FXN: variants seen among roughly 807,000 people sequenced by gnomAD.
The protein encoded by FXN is frataxin, mitochondrial.
A neutral mutation model predicts 22.4 loss-of-function variants in FXN; 14 were observed. The observed-to-expected ratio is 0.62, with a 90% CI of 0.41 to 0.98. The LOEUF is 0.98. Ranked by LOEUF, FXN falls within the 50% of genes least tolerant of loss-of-function variation. The pLI is 0.00. For synonymous variants in FXN, 120 were observed against 114.1 expected, an observed-to-expected ratio of 1.05 and a Z score of -0.33; for missense variants, 267 against 268.4, an observed-to-expected ratio of 0.99 and a Z score of 0.04.
intron 4 of FXN, among the ~76,000 whole-genome samples, chr9:69,066,633 G>T (rs763949306): frequency 6.6e-6 from 1 of 152,116 alleles, no homozygotes; most frequent in Admixed American, 6.5e-5. Context: ...CCGGGGGAAC[G>T]AAGTGGATCA....
Position 69,075,815 on chromosome 9 carries a change from C to T in FXN, c.*3053C>T, listed in dbSNP as rs1160907808. On this transcript the variant is annotated 3_prime_UTR_variant, in exon 5 of 5. Coordinates refer to ENST00000484259, the MANE Select transcript of FXN (RefSeq NM_000144.5). ...GTACAATCAAAGCTCATGGCAGCCT[C>T]GACCTCCCTGGGCTTGGGCAATCCT... 3.9e-5 allele frequency: 28 copies of T among 714,510 alleles called. No individual in the cohort carries two copies. The highest frequency in any genetic ancestry group is 4.8e-5 in the Non-Finnish European group (28 of 583,370). The allele number at this position is 714,510 out of a possible 1,614,324, so 44.3% of individuals were successfully genotyped here. A position where few individuals can be genotyped will look rare whatever the true frequency, so the allele number is the denominator to read the frequency against.
At chr9:69,046,992 G>A (rs1267706949) in intron 2 of FXN, among the ~76,000 whole-genome samples, 1 of 152,198 alleles carries the variant, frequency 6.6e-6, no homozygotes, top group East Asian at 1.9e-4. Context: ...GGCTGGAAGT[G>A]GCATTTGTTC....
chr9:69,073,730 A>AT lies in FXN; in HGVS notation c.*970dup. The stretch of plus-strand genomic sequence containing the variant: ...TAAATGAGAGAATAGAGTATGGTTG[A>AT]TTCCCAGCATTCAGTGGTCCTGTCA... On this transcript the variant is annotated 3_prime_UTR_variant, in exon 5 of 5. Coordinates refer to ENST00000484259, the MANE Select transcript of FXN (RefSeq NM_000144.5). 1.0e-6 allele frequency: 1 copy of AT among 985,430 alleles called. No individual in the cohort carries two copies. Among genetic ancestry groups the AT allele is most frequent in the Non-Finnish European group, 1.2e-6 (1 of 829,938 alleles). 61.0% of individuals were successfully genotyped at this position (985,430 alleles called of 1,614,324 possible).
intron 4 of FXN, among the ~76,000 whole-genome samples, chr9:69,069,668 G>T (rs1832237600): frequency 6.6e-6 from 1 of 152,218 alleles, no homozygotes; most frequent in Non-Finnish European, 1.5e-5. Context: ...TGGAGAGTAG[G>T]CCTCTGTAGG....
Position 69,074,831 on chromosome 9 carries a change from T to G in FXN, c.*2069T>G. 4 of 975,458 alleles carry G rather than the reference T, an allele frequency of 4.1e-6. No individual in the cohort carries two copies. The highest frequency in any genetic ancestry group is 4.9e-6 in the Non-Finnish European group (4 of 820,814). The allele number at this position is 975,458 out of a possible 1,614,324, so 60.4% of individuals were successfully genotyped here. ...CTGAAATAAAATTATTTTTTGAGTC[T>G]GATGGAAATGTTTAAGTGCAGTAGG... is the stretch of plus-strand genomic sequence containing the variant. On this transcript the variant is annotated 3_prime_UTR_variant, in exon 5 of 5. Coordinates refer to ENST00000484259, the MANE Select transcript of FXN (RefSeq NM_000144.5).
intron 2 of FXN, among the ~76,000 whole-genome samples, chr9:69,048,370 C>T (rs1027687632): frequency 1.3e-5 from 2 of 152,024 alleles, no homozygotes; most frequent in Non-Finnish European, 2.9e-5. Context: ...TTTGGGAGGC[C>T]GAGGTGAGCA....
chr9:69,049,503 C>G (rs1300798457), intron 2 of FXN, among the ~76,000 whole-genome samples: 1 of 152,094 alleles, frequency 6.6e-6, no homozygotes, highest in Non-Finnish European at 1.5e-5. Flanking sequence ...TCTAGCAGCC[C>G]CTGGTGTCTT....
chr9:69,053,282 T>C, intron 3 of FXN, 22 bp downstream of exon 3: 1 of 1,611,840 alleles, frequency 6.2e-7, no homozygotes, highest in Non-Finnish European at 8.5e-7. Context: ...CTTCTTTTAT[T>C]TTTCTGTTTC....
rs540739863 is a variant in FXN, at chr9:69,035,962, C to T, written c.165+15C>T. The stretch of plus-strand genomic sequence containing the variant: ...CCCGCCGCGCAGTAAGTATCCGCGC[C>T]GGGAACAGCCGCGGGCCGCACGCCG... On this transcript the variant is annotated intron_variant, in intron 1 of 4. Transcript: ENST00000484259. 2.2e-4 allele frequency: 325 copies of T among 1,452,772 alleles called. No homozygotes were observed. The East Asian group carries it at 8.2e-3, about 37-fold the overall frequency. The allele number at this position is 1,452,772 out of a possible 1,614,324, so 90.0% of individuals were successfully genotyped here.
At chr9:69,041,932 C>T (rs1172041453) in intron 1 of FXN, among the ~76,000 whole-genome samples, 1 of 152,176 alleles carries the variant, frequency 6.6e-6, no homozygotes, top group Non-Finnish European at 1.5e-5. Flanking sequence ...ACATGGCTGC[C>T]AGGTGGCTTT....
chr9:69,038,064 C>T (rs778844235), intron 1 of FXN, among the ~76,000 whole-genome samples: 50 of 152,214 alleles, frequency 3.3e-4, no homozygotes, highest in Non-Finnish European at 1.8e-4. Flanking sequence ...TTGGCGCTGC[C>T]GCCCAGGAGG....
At chr9:69,044,304 G>T (rs1268526678) in intron 1 of FXN, among the ~76,000 whole-genome samples, 1 of 152,142 alleles carries the variant, frequency 6.6e-6, no homozygotes, top group Non-Finnish European at 1.5e-5. Context: ...CAAGCAGATG[G>T]AGAACACTGT....
chr9:69,063,338 C>T (rs1832108909), intron 3 of FXN, among the ~76,000 whole-genome samples: 1 of 152,126 alleles, frequency 6.6e-6, no homozygotes, highest in Non-Finnish European at 1.5e-5. Flanking sequence ...AAGATTAGCT[C>T]TGCCAATTAC....
chr9:69,066,248 T>G (rs1281321672), intron 4 of FXN, among the ~76,000 whole-genome samples: 1 of 152,256 alleles, frequency 6.6e-6, no homozygotes, highest in Admixed American at 6.5e-5. Flanking sequence ...TAGAATTCTT[T>G]GAAAGACTAA....
intron 1 of FXN, 119 bp downstream of exon 1, chr9:69,036,066 C>A: frequency 1.1e-6 from 1 of 882,546 alleles, no homozygotes; most frequent in Non-Finnish European, 1.5e-6. Context: ...TGGACTAGCT[C>A]ACCCCGCTCC....
intron 2 of FXN, 108 bp from the exon 3 acceptor site, chr9:69,053,032 T>C: frequency 8.2e-7 from 1 of 1,217,796 alleles, no homozygotes; most frequent in Non-Finnish European, 1.1e-6. Flanking sequence ...ACTTTTTACA[T>C]GTTATTTTCA....
At chr9:69,056,789 C>G (rs1331219300) in intron 3 of FXN, among the ~76,000 whole-genome samples, 1 of 150,294 alleles carries the variant, frequency 6.7e-6, no homozygotes, top group Non-Finnish European at 1.5e-5. Flanking sequence ...GTTGCCCAGG[C>G]TGGAGTGTAG....
At chr9:69,050,825 G>T (rs770297831) in intron 2 of FXN, among the ~76,000 whole-genome samples, 26 of 149,344 alleles carry the variant, frequency 1.7e-4, no homozygotes, top group Admixed American at 1.5e-3. Flanking sequence ...TTGTTGCCCA[G>T]GCTGGAGCGC....
chr9:69,039,911 C>A (rs564611637), intron 1 of FXN, among the ~76,000 whole-genome samples: 1 of 152,114 alleles, frequency 6.6e-6, no homozygotes, highest in Non-Finnish European at 1.5e-5. Context: ...CGGCACCGGG[C>A]GTCATATGGT....
Sources: allele counts gnomAD v4.1 joint callset (sites outside exome capture counted in the v4.1 genomes callset), GRCh38; gene constraint gnomAD v4.1.1; transcripts MANE v1.5; gene names NCBI Gene and HGNC (gene_info 2026-07-23, HGNC 2026-07-21).